Variants in CHST12 observed in about 807,000 individuals in gnomAD.
CHST12 encodes carbohydrate (chondroitin 4) sulfotransferase 12.
A neutral mutation model predicts 27.9 loss-of-function variants in CHST12; 23 were observed. That is an observed-to-expected ratio of 0.82 (90% CI 0.59 to 1.17). The LOEUF (loss-of-function observed/expected upper bound fraction) is 1.17, where lower values mean the gene tolerates loss of function less well. Ranked by LOEUF, CHST12 falls within the 50% of genes most tolerant of loss-of-function variation. The probability of loss-of-function intolerance (pLI) is 0.00; values close to 1 mark genes in which losing one functional copy is unlikely to be tolerated. For synonymous variants in CHST12, 322 were observed against 273.0 expected (o/e 1.18, Z -1.77); for missense variants, 682 against 603.0 (o/e 1.13, Z -1.37).
intron 1 of CHST12, among the ~76,000 whole-genome samples, chr7:2,405,472 C>T (rs1303050074): frequency 6.6e-6 from 1 of 152,058 alleles, no homozygotes. Flanking sequence ...TGTGCAGGGG[C>T]CTGAATGCTG....
At chr7:2,429,306 C>T (rs1484278629) in intron 1 of CHST12, among the ~76,000 whole-genome samples, 3 of 152,172 alleles carry the variant, frequency 2.0e-5, no homozygotes, top group African/African-American at 7.2e-5. Context: ...AACTCCTTGA[C>T]CTCAGGTGTT....
At chr7:2,419,401 CA>C (rs35870806) in intron 1 of CHST12, among the ~76,000 whole-genome samples, 6,552 of 112,886 alleles carry the variant, frequency 0.058, 137 homozygotes, top group South Asian at 0.08. Flanking sequence ...ACCCTGTCTC[CA>C]AAAAAAAAAA....
Position 2,437,364 on chromosome 7 carries a change from T to A in CHST12, c.*3480T>A, listed in dbSNP as rs1488112951. The A allele has an allele frequency of 6.6e-6, 1 of 152,258 alleles. No individual in the cohort carries two copies. The highest frequency in any genetic ancestry group is 1.5e-5 in the Non-Finnish European group (1 of 68,066). The allele number at this position is 152,258 out of a possible 1,614,324, so 9.4% of individuals were successfully genotyped here. On this transcript the variant is annotated 3_prime_UTR_variant, in exon 2 of 2. Transcript: ENST00000618655. ...CTGCTCCTGGACTCGCCTCCCAGCGTCTGATGCTGTGTATTTTCCATCTGC... is the reference window on the plus strand; with the variant it reads ...CTGCTCCTGGACTCGCCTCCCAGCGACTGATGCTGTGTATTTTCCATCTGC...
rs532923421 is a variant in CHST12, at chr7:2,411,798, C to G, written c.-78+8125C>G. Among the ~76,000 whole-genome samples the G allele has an allele frequency of 4.7e-3, 709 of 152,260 alleles. 6 individuals are homozygous for G. Among genetic ancestry groups the G allele is most frequent in the African/African-American group, 0.016 (678 of 41,550 alleles). On this transcript the variant is annotated intron_variant, in intron 1 of 1. Coordinates refer to ENST00000618655, the MANE Select transcript of CHST12 (RefSeq NM_018641.5). ...TGCCCAGCCACGAATTGATTTAACT[C>G]TTAAGTCAGTTGAGTCAAGTGAGTT... is the stretch of plus-strand genomic sequence containing the variant.
chr7:2,413,751 C>T (rs1333734548), intron 1 of CHST12, among the ~76,000 whole-genome samples: 2 of 113,268 alleles, frequency 1.8e-5, no homozygotes, highest in African/African-American at 6.9e-5. Flanking sequence ...TTTTTTGAGA[C>T]AGAGTCTCCC....
rs1432237566 is a variant in CHST12 at position 2,434,402 on chromosome 7, G to A, written c.*518G>A. 1.2e-5 allele frequency: 2 copies of A among 167,944 alleles called. No homozygotes were observed. Among genetic ancestry groups the A allele is most frequent in the African/African-American group, 4.8e-5 (2 of 41,370 alleles). The allele number at this position is 167,944 out of a possible 1,614,324, so 10.4% of individuals were successfully genotyped here. ...GGTAAACCGGTCAGTTACAGAAGCA[G>A]GATTTCTAGGATTTCTAACTCCAGC... On this transcript the variant is annotated 3_prime_UTR_variant, in exon 2 of 2. Transcript: ENST00000618655.
chr7:2,434,097 C>G lies in CHST12; in HGVS notation c.*213C>G. 2.3e-6 allele frequency: 1 copy of G among 438,668 alleles called. No individual in the cohort carries two copies. 27.2% of individuals were successfully genotyped at this position (438,668 alleles called of 1,614,324 possible). On this transcript the variant is annotated 3_prime_UTR_variant, in exon 2 of 2. Coordinates refer to ENST00000618655, the MANE Select transcript of CHST12 (RefSeq NM_018641.5). ...AATGCTGGAGTAAAATATCCCCTCTCCCCTCCGCCCGCCCACCCGCCCGCC... is the reference window on the plus strand; with the variant it reads ...AATGCTGGAGTAAAATATCCCCTCTGCCCTCCGCCCGCCCACCCGCCCGCC...
Position 2,433,376 on chromosome 7 carries a change from ACCCCT to A in CHST12, c.738_742del (p.Pro247ArgfsTer146). On this transcript the variant is annotated frameshift_variant, in exon 2 of 2. Coordinates refer to ENST00000618655, the MANE Select transcript of CHST12 (RefSeq NM_018641.5). LOFTEE classifies it high-confidence loss of function. This position sits in a 1 kb window ranked among gnomAD's most constrained non-coding sequence, Gnocchi z 6.1. ...TACACCAAGTTCCTCTTCGTGCGCG[ACCCCT>A]TCGTGCGCCTGATCTCCGCCTTCCG... is the stretch of plus-strand genomic sequence containing the variant. 1 of 1,610,246 alleles carries A rather than the reference ACCCCT, an allele frequency of 6.2e-7. No individual in the cohort carries two copies. The highest frequency in any genetic ancestry group is 8.5e-7 in the Non-Finnish European group (1 of 1,179,876).
Position 2,422,245 on chromosome 7 carries a change from C to T in CHST12, c.-77-10318C>T, listed in dbSNP as rs140388249. On this transcript the variant is annotated intron_variant, in intron 1 of 1. Coordinates refer to ENST00000618655, the MANE Select transcript of CHST12 (RefSeq NM_018641.5). ...TTTTCCCCTTTGCTACTTTCTTTTT[C>T]TTTCTTTTTTTTTTTTGAGAGGGAG... Among the ~76,000 whole-genome samples the T allele has an allele frequency of 1.1e-3, 165 of 151,720 alleles. 1 individual carries two copies. Among genetic ancestry groups the T allele is most frequent in the Non-Finnish European group, 1.9e-3 (129 of 67,866 alleles).
Position 2,433,595 on chromosome 7 carries a change from A to G in CHST12, c.956A>G (p.Asn319Ser), listed in dbSNP as rs1372232212. 3.7e-6 allele frequency: 6 copies of G among 1,613,594 alleles called. No homozygotes were observed. Among genetic ancestry groups the G allele is most frequent in the East Asian group, 2.2e-5 (1 of 44,872 alleles). Residue 319 changes from asparagine (N) to serine (S), a missense_variant, in exon 2 of 2, where the codon AAC becomes AGC. Physicochemically the swap from Asn to Ser is conservative, Grantham distance 46. Coordinates refer to ENST00000618655, the MANE Select transcript of CHST12 (RefSeq NM_018641.5). The surrounding 1 kb of genome is among the most constrained non-coding windows in gnomAD (Gnocchi z 6.1). ...CACACGGAGAAGCTGGCGCCCTTCA[A>G]CGAGCACTGGCGGCAGGTGTACCGC... ...DPHTEKLAPF[N>S]EHWRQVYRLC...
rs563858811 is a variant in CHST12 at position 2,409,075 on chromosome 7, G to A, written c.-78+5402G>A. Reference sequence around the variant, plus strand: ...TTCCAGGGAAAATAAACCATCGTGCGGGAAACGAAAAATAATTATGGTGTA... The same window carrying A: ...TTCCAGGGAAAATAAACCATCGTGCAGGAAACGAAAAATAATTATGGTGTA... On this transcript the variant is annotated intron_variant, in intron 1 of 1. Coordinates refer to ENST00000618655, the MANE Select transcript of CHST12 (RefSeq NM_018641.5). Among the ~76,000 whole-genome samples the A allele has an allele frequency of 7.9e-5, 12 of 152,288 alleles. No individual in the cohort carries two copies. The South Asian group carries it at 8.3e-4, about 11-fold the overall frequency.
In CHST12 at chr7:2,436,106, A is replaced by T. The variant is rs923537209; in HGVS notation, c.*2222A>T. 3.3e-5 allele frequency: 5 copies of T among 152,226 alleles called. No homozygotes were observed. Among genetic ancestry groups the T allele is most frequent in the Non-Finnish European group, 7.3e-5 (5 of 68,068 alleles). The allele number at this position is 152,226 out of a possible 1,614,324, so 9.4% of individuals were successfully genotyped here. A position where few individuals can be genotyped will look rare whatever the true frequency, so the allele number is the denominator to read the frequency against. On this transcript the variant is annotated 3_prime_UTR_variant, in exon 2 of 2. Coordinates refer to ENST00000618655, the MANE Select transcript of CHST12 (RefSeq NM_018641.5). ...TGGGATTACAGGCATGAGCCATCAC[A>T]CCTGGCCCCTCCAAGTTTTTTATTA... is the stretch of plus-strand genomic sequence containing the variant.
At chr7:2,404,589 AC>A (rs1169545155) in intron 1 of CHST12, among the ~76,000 whole-genome samples, 1 of 151,840 alleles carries the variant, frequency 6.6e-6, no homozygotes, top group Non-Finnish European at 1.5e-5. Flanking sequence ...TCCCCCACTT[AC>A]CCCCACGCGG....
intron 1 of CHST12, among the ~76,000 whole-genome samples, chr7:2,418,241 A>G (rs567738047): frequency 1.3e-5 from 2 of 152,328 alleles, no homozygotes; most frequent in East Asian, 3.9e-4. Context: ...TAACAGCCCC[A>G]CCCGGAGCTA....
At position 2,437,732 on chromosome 7, in the gene CHST12, GCA is replaced by G. The variant is rs10583722; in HGVS notation, c.*3870_*3871del. 0.62 allele frequency: 91,408 copies of G among 148,228 alleles called. 28,021 individuals carry two copies. Among genetic ancestry groups the G allele is most frequent in the East Asian group, 0.77 (3,907 of 5,054 alleles). The allele number at this position is 148,228 out of a possible 1,614,324, so 9.2% of individuals were successfully genotyped here. On this transcript the variant is annotated 3_prime_UTR_variant, in exon 2 of 2. Coordinates refer to ENST00000618655, the MANE Select transcript of CHST12 (RefSeq NM_018641.5). ...AATCAGAACACACACACACACGCGC[GCA>G]CACACACACACACACACACACTCTC... is the stretch of plus-strand genomic sequence containing the variant.
At chr7:2,411,467 A>G (rs1202857014) in intron 1 of CHST12, among the ~76,000 whole-genome samples, 1 of 136,568 alleles carries the variant, frequency 7.3e-6, no homozygotes, top group African/African-American at 2.7e-5. Context: ...CTTCTGAAAT[A>G]ATTTCTTTGA....
chr7:2,409,235 C>G (rs182758852), intron 1 of CHST12, among the ~76,000 whole-genome samples: 2 of 151,560 alleles, frequency 1.3e-5, no homozygotes, highest in Admixed American at 6.6e-5. Context: ...TTTCGCCTGT[C>G]GCCTTGGGAA....
In CHST12 at chr7:2,448,468, T is replaced by C. The variant is rs1219273006; in HGVS notation, c.*14584T>C. On this transcript the variant is annotated 3_prime_UTR_variant, in exon 2 of 2. Transcript: ENST00000618655. ...TCATATGCAGCTGGATCTCAGTAAATGGCAATGTCTTCTCTACCCGGGACT... is the reference window on the plus strand; with the variant it reads ...TCATATGCAGCTGGATCTCAGTAAACGGCAATGTCTTCTCTACCCGGGACT... The C allele has an allele frequency of 6.6e-6, 1 of 152,288 alleles. No individual in the cohort carries two copies. 9.4% of individuals were successfully genotyped at this position (152,288 alleles called of 1,614,324 possible).
intron 1 of CHST12, among the ~76,000 whole-genome samples, chr7:2,414,004 C>T (rs950247748): frequency 2.0e-5 from 3 of 152,016 alleles, no homozygotes; most frequent in Non-Finnish European, 2.9e-5. Flanking sequence ...GCTGGGATTA[C>T]GGGCATGAGC....
Sources: gnomAD v4.1 joint callset for allele counts (sites outside exome capture counted in the v4.1 genomes callset) on GRCh38, gnomAD v4.1.1 for gene constraint, Gnocchi (gnomAD v3.1) non-coding constraint, MANE v1.5 for transcripts, NCBI Gene and HGNC (gene_info 2026-07-23, HGNC 2026-07-21) for gene names.